Variants in RGPD2 observed in about 807,000 individuals in gnomAD.
RGPD2 encodes the protein RANBP2 like and GRIP domain containing 2, also known as RANBP2-like and GRIP domain-containing protein 2.
RGPD2 carries 2 observed loss-of-function variants against 36.0 expected under a neutral mutation model. That is an observed-to-expected ratio of 0.06 (90% CI 0.02 to 0.17). The LOEUF (loss-of-function observed/expected upper bound fraction) is 0.17, where lower values mean the gene tolerates loss of function less well. RGPD2 is among the 10% of genes least tolerant of loss of function. The pLI is 1.00. For synonymous variants in RGPD2, 19 were observed against 163.8 expected, an observed-to-expected ratio of 0.12 and a Z score of 6.75; for missense variants, 40 against 464.3, an observed-to-expected ratio of 0.09 and a Z score of 8.40.
the RGPD2 span, among the ~76,000 whole-genome samples, chr2:87,958,594 G>A: frequency 9.2e-5 from 14 of 152,238 alleles, no homozygotes; most frequent in African/African-American, 3.4e-4. Context: ...TCTAAATTTA[G>A]AAATTCTAAA....
the RGPD2 span, among the ~76,000 whole-genome samples, chr2:87,864,714 A>T: frequency 5.9e-5 from 9 of 152,274 alleles, no homozygotes; most frequent in Admixed American, 3.3e-4. Context: ...CTGGTTGAAC[A>T]TCTTTTCATG....
chr2:87,825,763 A>G lies in RGPD2; in HGVS notation c.-34T>C. ...CAACCTGGCTCCCGAGACGCGTGAA[A>G]CCAGCGCTCAGCCCCGCAGCAGTCG... On this transcript the variant is annotated 5_prime_UTR_variant, in exon 1 of 23. Transcript: ENST00000398146. 6.4e-7 allele frequency: 1 copy of G among 1,568,638 alleles called. No individual in the cohort carries two copies. The highest frequency in any genetic ancestry group is 8.6e-7 in the Non-Finnish European group (1 of 1,156,832).
At chr2:87,923,365 T>C in the RGPD2 span, among the ~76,000 whole-genome samples, 1 of 152,192 alleles carries the variant, frequency 6.6e-6, no homozygotes, top group Non-Finnish European at 1.5e-5. Flanking sequence ...AATTTTTGAA[T>C]CCTATATTTG....
chr2:87,837,196 A>G, the RGPD2 span, among the ~76,000 whole-genome samples: 10 of 150,318 alleles, frequency 6.7e-5, no homozygotes, highest in African/African-American at 2.4e-4. Flanking sequence ...AAAGACATTC[A>G]GGACCCAAAT....
chr2:87,822,449 G>A (rs1309885107), intron 1 of RGPD2, among the ~76,000 whole-genome samples: 2 of 140,046 alleles, frequency 1.4e-5, no homozygotes, highest in Admixed American at 1.5e-4. Context: ...CTGGAAAATG[G>A]AGCAATGCTT....
chr2:87,841,162 TC>T, the RGPD2 span, among the ~76,000 whole-genome samples: 1 of 150,060 alleles, frequency 6.7e-6, no homozygotes, highest in East Asian at 2.0e-4. Flanking sequence ...TACCAACATT[TC>T]CTTGGTGATG....
chr2:87,984,798 C>T, the RGPD2 span, among the ~76,000 whole-genome samples: 4 of 151,406 alleles, frequency 2.6e-5, no homozygotes, highest in East Asian at 3.9e-4. Context: ...GGCGTGGTGG[C>T]GGGCGCCTGT....
At chr2:87,813,978 T>C (rs1686208432) in intron 4 of RGPD2, among the ~76,000 whole-genome samples, 1 of 151,856 alleles carries the variant, frequency 6.6e-6, no homozygotes, top group Non-Finnish European at 1.5e-5. Flanking sequence ...ATCTAACTTG[T>C]TACACTGCAA....
chr2:87,907,619 T>A, the RGPD2 span, among the ~76,000 whole-genome samples: 1 of 56,288 alleles, frequency 1.8e-5, no homozygotes, highest in Non-Finnish European at 3.6e-5. Flanking sequence ...AACTGAAATG[T>A]ATGCACTAAG....
At chr2:87,989,136 C>G in the RGPD2 span, 2 of 545,868 alleles carry the variant, frequency 3.7e-6, no homozygotes, top group Non-Finnish European at 6.2e-6. Flanking sequence ...ATTTCAGGAA[C>G]AGTGATCCTA....
the RGPD2 span, chr2:87,968,706 G>C: frequency 4.3e-6 from 1 of 234,864 alleles, no homozygotes; most frequent in African/African-American, 2.4e-5. Flanking sequence ...CGCAAGCCAA[G>C]TGATTGACCA....
At chr2:87,884,575 G>A in the RGPD2 span, among the ~76,000 whole-genome samples, 1 of 151,310 alleles carries the variant, frequency 6.6e-6, no homozygotes, top group Non-Finnish European at 1.5e-5. Flanking sequence ...AAAGAGAGAA[G>A]ACAAATAAAT....
chr2:87,769,593 T>C (rs1380334290), intron 22 of RGPD2, among the ~76,000 whole-genome samples: 1 of 151,632 alleles, frequency 6.6e-6, no homozygotes. Context: ...CACCTGGACG[T>C]TAGCAACGTC....
the RGPD2 span, among the ~76,000 whole-genome samples, chr2:87,882,447 T>G: frequency 6.6e-6 from 1 of 152,276 alleles, no homozygotes; most frequent in Non-Finnish European, 1.5e-5. Context: ...TTCTACTACA[T>G]TAATCAACGT....
the RGPD2 span, among the ~76,000 whole-genome samples, chr2:87,859,664 G>T: frequency 6.6e-6 from 1 of 152,188 alleles, no homozygotes; most frequent in Non-Finnish European, 1.5e-5. Context: ...CCCAGGAATG[G>T]CAGGAAGTTA....
At chr2:87,825,515 C>T (rs1172258457) in intron 1 of RGPD2, 143 bp downstream of exon 1, 1 of 393,006 alleles carries the variant, frequency 2.5e-6, no homozygotes, top group Non-Finnish European at 3.1e-6. Flanking sequence ...AGGCCGAGGC[C>T]GCCGCCCGGC....
chr2:87,963,832 TC>T, the RGPD2 span, among the ~76,000 whole-genome samples: 1 of 77,974 alleles, frequency 1.3e-5, no homozygotes, highest in African/African-American at 5.0e-5. Flanking sequence ...TTTCTTTCTT[TC>T]TTTCTTTTTT....
At chr2:87,869,893 C>A in the RGPD2 span, among the ~76,000 whole-genome samples, 2 of 152,284 alleles carry the variant, frequency 1.3e-5, no homozygotes, top group Non-Finnish European at 2.9e-5. Flanking sequence ...CTTTCACTTT[C>A]TTTGTTTTTC....
At chr2:87,957,840 C>T in the RGPD2 span, among the ~76,000 whole-genome samples, 1 of 152,304 alleles carries the variant, frequency 6.6e-6, no homozygotes. Flanking sequence ...GAGCTTTGCA[C>T]ATCATTGCTT....
Sources: gnomAD v4.1 joint callset for allele counts (sites outside exome capture counted in the v4.1 genomes callset) on GRCh38, gnomAD v4.1.1 for gene constraint, MANE v1.5 for transcripts, NCBI Gene and HGNC (gene_info 2026-07-23, HGNC 2026-07-21) for gene names.